The following NALF1 variants were observed in gnomAD, a reference collection of about 807,000 sequenced individuals.
NALF1 encodes the protein NALCN channel auxiliary factor 1.
Under a neutral mutation model 48.4 loss-of-function variants are expected in NALF1, and 3 were observed. That is an observed-to-expected ratio of 0.06 (90% CI 0.03 to 0.16). The LOEUF is 0.16. Ranked by LOEUF, NALF1 falls within the 10% of genes least tolerant of loss-of-function variation. NALF1 has a pLI of 1.00. For synonymous variants in NALF1, 262 were observed against 245.7 expected, an observed-to-expected ratio of 1.07 and a Z score of -0.62; for missense variants, 526 against 571.5, an observed-to-expected ratio of 0.92 and a Z score of 0.81.
rs567151450 is a variant in NALF1 at position 107,664,401 on chromosome 13, G to A, written c.915+201281C>T. On this transcript the variant is annotated intron_variant, in intron 1 of 2. Transcript: ENST00000375915. ...TGATCTCTACTGACACTCTTGCTAC[G>A]CTTTCCTCAGTCTATTTTCAACACA... Among the ~76,000 whole-genome samples, 10 of 152,178 alleles carry A rather than the reference G, an allele frequency of 6.6e-5. No homozygotes were observed. In the East Asian group the frequency reaches 1.5e-3, roughly 24 times the overall value.
chr13:107,591,079 C>A (rs1878589562), intron 1 of NALF1, among the ~76,000 whole-genome samples: 1 of 151,840 alleles, frequency 6.6e-6, no homozygotes, highest in South Asian at 2.1e-4. Context: ...GAAAAGAGAC[C>A]AACCAGTGAT....
chr13:107,233,946 A>G (rs1463675595), intron 1 of NALF1, among the ~76,000 whole-genome samples: 1 of 152,224 alleles, frequency 6.6e-6, no homozygotes, highest in Non-Finnish European at 1.5e-5. Flanking sequence ...TGTTTTTATG[A>G]CATTGTTATT....
intron 1 of NALF1, among the ~76,000 whole-genome samples, chr13:107,700,774 A>T (rs970567680): frequency 1.3e-5 from 2 of 151,560 alleles, no homozygotes; most frequent in Non-Finnish European, 3.0e-5. Context: ...AACTCTTACA[A>T]CTCAACAGCA....
intron 1 of NALF1, among the ~76,000 whole-genome samples, chr13:107,833,466 G>C (rs1879802175): frequency 6.6e-6 from 1 of 152,118 alleles, no homozygotes; most frequent in African/African-American, 2.4e-5. Flanking sequence ...GTCTTACACT[G>C]TTACTTCTAG....
intron 1 of NALF1, among the ~76,000 whole-genome samples, chr13:107,485,994 T>C (rs945262729): frequency 6.6e-6 from 1 of 152,204 alleles, no homozygotes; most frequent in Non-Finnish European, 1.5e-5. Context: ...TTATATGTGC[T>C]CATGGCACTT....
intron 1 of NALF1, among the ~76,000 whole-genome samples, chr13:107,603,689 C>A (rs961651414): frequency 6.6e-6 from 1 of 152,096 alleles, no homozygotes; most frequent in Non-Finnish European, 1.5e-5. Flanking sequence ...AAACTAAAAT[C>A]CTTGGACTAT....
At chr13:107,666,121 T>G (rs1375981656) in intron 1 of NALF1, among the ~76,000 whole-genome samples, 2 of 152,152 alleles carry the variant, frequency 1.3e-5, no homozygotes, top group Non-Finnish European at 2.9e-5. Context: ...ATTGTCATAG[T>G]GAAGAAGGAC....
At chr13:107,186,524 C>T (rs964428644) in intron 2 of NALF1, among the ~76,000 whole-genome samples, 6 of 152,106 alleles carry the variant, frequency 3.9e-5, no homozygotes, top group Admixed American at 1.3e-4. Flanking sequence ...CGTGCCACCA[C>T]GCCCAGCTAA....
intron 1 of NALF1, among the ~76,000 whole-genome samples, chr13:107,783,738 G>A (rs887864683): frequency 6.6e-6 from 1 of 151,714 alleles, no homozygotes; most frequent in Non-Finnish European, 1.5e-5. Context: ...GAAGGCCGCA[G>A]GGTCCTCTGC....
chr13:107,435,905 C>T (rs1884456767), intron 1 of NALF1, among the ~76,000 whole-genome samples: 1 of 152,164 alleles, frequency 6.6e-6, no homozygotes, highest in South Asian at 2.1e-4. Flanking sequence ...GCTGAGTTTT[C>T]TCATTGCTAT....
intron 1 of NALF1, among the ~76,000 whole-genome samples, chr13:107,496,191 A>G (rs909698580): frequency 1.3e-5 from 2 of 152,182 alleles, no homozygotes; most frequent in African/African-American, 2.4e-5. Flanking sequence ...TTTCCCTGAG[A>G]AAGAGCAATT....
chr13:107,824,720 G>C (rs1032453300), intron 1 of NALF1, among the ~76,000 whole-genome samples: 1 of 152,222 alleles, frequency 6.6e-6, no homozygotes, highest in African/African-American at 2.4e-5. Context: ...CAAAATTCCA[G>C]GTAAAGAAGC....
chr13:107,260,327 A>C (rs965554426), intron 1 of NALF1, among the ~76,000 whole-genome samples: 2 of 152,228 alleles, frequency 1.3e-5, no homozygotes, highest in Non-Finnish European at 1.5e-5. Flanking sequence ...ACTGAGGTTT[A>C]AAACGGTTGT....
chr13:107,550,187 T>G (rs58502179), intron 1 of NALF1, among the ~76,000 whole-genome samples: 7,392 of 152,166 alleles, frequency 0.049, 335 homozygotes, highest in African/African-American at 0.12. Flanking sequence ...GATTCCTCTC[T>G]TTGTCTTAAC....
At chr13:107,401,456 TC>T (rs1274904547) in intron 1 of NALF1, among the ~76,000 whole-genome samples, 1 of 152,210 alleles carries the variant, frequency 6.6e-6, no homozygotes, top group African/African-American at 2.4e-5. Flanking sequence ...GATTTAATTT[TC>T]TTGCCCACTA....
chr13:107,346,856 T>C, intron 1 of NALF1, among the ~76,000 whole-genome samples: 1 of 152,334 alleles, frequency 6.6e-6, no homozygotes, highest in South Asian at 2.1e-4. Flanking sequence ...CATAAACAGA[T>C]GATTTTTAAT....
At chr13:107,603,016 A>G (rs1594154278) in intron 1 of NALF1, among the ~76,000 whole-genome samples, 1 of 152,232 alleles carries the variant, frequency 6.6e-6, no homozygotes, top group African/African-American at 2.4e-5. Context: ...GGTCTCAGTC[A>G]TGTCTATAAA....
chr13:107,170,920 G>A (rs1288510940), intron 2 of NALF1, 134 bp from the exon 3 acceptor site: 2 of 771,628 alleles, frequency 2.6e-6, no homozygotes, highest in East Asian at 2.7e-5. Context: ...GGAAAATCAA[G>A]TCAATGCAAT....
intron 1 of NALF1, among the ~76,000 whole-genome samples, chr13:107,810,861 G>T (rs1402931995): frequency 6.6e-6 from 1 of 152,014 alleles, no homozygotes; most frequent in African/African-American, 2.4e-5. Context: ...TCGCATATTG[G>T]TCAATCTTCT....
Sources: allele counts gnomAD v4.1 joint callset (sites outside exome capture counted in the v4.1 genomes callset), GRCh38; gene constraint gnomAD v4.1.1; transcripts MANE v1.5; gene names NCBI Gene and HGNC (gene_info 2026-07-23, HGNC 2026-07-21).